Variants in NELL1 observed in about 807,000 individuals in gnomAD.
NELL1 encodes protein kinase C-binding protein NELL1.
In NELL1, 76 loss-of-function variants were observed where a neutral mutation model predicts 107.4. The observed-to-expected ratio is 0.71, with a 90% CI of 0.59 to 0.86. NELL1 has a LOEUF of 0.86. NELL1 is among the 40% of genes least tolerant of loss of function. NELL1 has a pLI of 0.00. For synonymous variants in NELL1, 353 were observed against 341.2 expected (o/e 1.03, Z -0.38); for missense variants, 1,024 against 1,005.5 (o/e 1.02, Z -0.25).
At chr11:20,765,646 G>A (rs1856513907) in intron 2 of NELL1, among the ~76,000 whole-genome samples, 1 of 152,142 alleles carries the variant, frequency 6.6e-6, no homozygotes, top group Non-Finnish European at 1.5e-5. Context: ...AGGCAGGAAG[G>A]AGCTTGTGTA....
intron 16 of NELL1, among the ~76,000 whole-genome samples, chr11:21,535,340 A>G (rs1314564484): frequency 1.3e-5 from 2 of 152,204 alleles, no homozygotes; most frequent in African/African-American, 4.8e-5. Context: ...GGGGCCAAGC[A>G]TTCTGACCTT....
Position 20,800,564 on chromosome 11 carries a change from G to A in NELL1, c.335+16734G>A, listed in dbSNP as rs562279136. 2.6e-5 allele frequency among the ~76,000 whole-genome samples: 4 copies of A among 152,228 alleles called. No individual in the cohort carries two copies. The South Asian group carries it at 6.2e-4, about 24-fold the overall frequency. On this transcript the variant is annotated intron_variant, in intron 3 of 19. Coordinates refer to ENST00000357134, the MANE Select transcript of NELL1 (RefSeq NM_006157.5). Reference sequence around the variant, plus strand: ...GATTATTTGTTTTTTGCTTGTTGATGTATTTAAGTTCCTTGTAGATTCTGG... The same window carrying A: ...GATTATTTGTTTTTTGCTTGTTGATATATTTAAGTTCCTTGTAGATTCTGG...
chr11:20,959,580 C>G (rs1383690226), intron 11 of NELL1, among the ~76,000 whole-genome samples: 1 of 151,420 alleles, frequency 6.6e-6, no homozygotes, highest in East Asian at 1.9e-4. Flanking sequence ...GAAAACCAAC[C>G]CTCATATGTT....
chr11:20,789,516 C>T (rs191203647), intron 3 of NELL1, among the ~76,000 whole-genome samples: 6 of 152,290 alleles, frequency 3.9e-5, no homozygotes, highest in Admixed American at 2.0e-4. Flanking sequence ...GTCTGTGCTC[C>T]CCAAAGGGCT....
At chr11:21,083,000 CTA>C (rs1464400612) in intron 12 of NELL1, among the ~76,000 whole-genome samples, 1 of 152,166 alleles carries the variant, frequency 6.6e-6, no homozygotes, top group Admixed American at 6.5e-5. Context: ...AGTGGATAGA[CTA>C]TGTTGGTCAG....
At chr11:20,694,134 A>T (rs1034617970) in intron 2 of NELL1, among the ~76,000 whole-genome samples, 1 of 152,072 alleles carries the variant, frequency 6.6e-6, no homozygotes, top group Non-Finnish European at 1.5e-5. Context: ...TTTCAGCTCC[A>T]TCAGCTCCTT....
chr11:21,421,919 G>A (rs1852683344), intron 15 of NELL1, among the ~76,000 whole-genome samples: 1 of 152,146 alleles, frequency 6.6e-6, no homozygotes, highest in African/African-American at 2.4e-5. Flanking sequence ...CATCACATGT[G>A]AGGAATCCTC....
chr11:21,054,181 TTC>T (rs763566956), intron 12 of NELL1, among the ~76,000 whole-genome samples: 37 of 151,774 alleles, frequency 2.4e-4, no homozygotes, highest in Non-Finnish European at 4.1e-4. Context: ...CTCTCTTTTT[TTC>T]TCTCTCTCTT....
chr11:20,885,680 C>T, intron 5 of NELL1, 140 bp downstream of exon 5: 1 of 608,126 alleles, frequency 1.6e-6, no homozygotes, highest in Admixed American at 2.7e-5. Context: ...TGAACACTTA[C>T]TTTGTGACAC....
At chr11:21,123,274 T>C (rs1516765) in intron 13 of NELL1, among the ~76,000 whole-genome samples, 88,799 of 151,720 alleles carry the variant, frequency 0.59, 26,533 homozygotes, top group African/African-American at 0.68. Flanking sequence ...TTGTAGTACT[T>C]GGATAACTTA....
At chr11:21,520,741 C>G (rs117401206) in intron 15 of NELL1, among the ~76,000 whole-genome samples, 1,563 of 152,234 alleles carry the variant, frequency 0.01, 35 homozygotes, top group East Asian at 0.072. Flanking sequence ...AAGTGCTCAG[C>G]CCCGGCCCCT....
intron 12 of NELL1, among the ~76,000 whole-genome samples, chr11:20,993,344 C>A (rs892972545): frequency 1.3e-5 from 2 of 152,136 alleles, no homozygotes; most frequent in Non-Finnish European, 2.9e-5. Flanking sequence ...ATCACTGGTG[C>A]TCAATACTTG....
At chr11:20,798,453 A>G (rs1277415965) in intron 3 of NELL1, among the ~76,000 whole-genome samples, 7 of 152,222 alleles carry the variant, frequency 4.6e-5, no homozygotes, top group Admixed American at 4.6e-4. Flanking sequence ...TCACAATTTC[A>G]TTAATATTTT....
At chr11:21,225,448 T>C (rs1857869970) in intron 13 of NELL1, among the ~76,000 whole-genome samples, 2 of 152,236 alleles carry the variant, frequency 1.3e-5, no homozygotes, top group Admixed American at 1.3e-4. Flanking sequence ...GGAGTTCCTC[T>C]TGGCTTGAAA....
intron 4 of NELL1, among the ~76,000 whole-genome samples, chr11:20,876,386 T>C (rs368604812): frequency 7.2e-5 from 11 of 152,344 alleles, no homozygotes; most frequent in African/African-American, 2.6e-4. Flanking sequence ...GCCATTCCTT[T>C]CATGTCCTGG....
intron 12 of NELL1, among the ~76,000 whole-genome samples, chr11:20,999,412 C>G (rs2134270249): frequency 6.6e-6 from 1 of 152,276 alleles, no homozygotes; most frequent in Non-Finnish European, 1.5e-5. Flanking sequence ...TGGTGTATGA[C>G]ATTTTAAATG....
chr11:20,988,396 T>C lies in NELL1; in HGVS notation c.1300+27836T>C, dbSNP rs1008024348. ...ACGTACATATATATGTGTATATATA[T>C]ACATATCTATATATACACATGTACA... On this transcript the variant is annotated intron_variant, in intron 12 of 19. Coordinates refer to ENST00000357134, the MANE Select transcript of NELL1 (RefSeq NM_006157.5). 7.9e-5 allele frequency among the ~76,000 whole-genome samples: 12 copies of C among 151,112 alleles called. No individual in the cohort carries two copies. In the South Asian group the frequency reaches 1.7e-3, roughly 21 times the overall value.
At chr11:20,806,222 G>A (rs1294458108) in intron 3 of NELL1, among the ~76,000 whole-genome samples, 2 of 150,322 alleles carry the variant, frequency 1.3e-5, no homozygotes, top group East Asian at 2.0e-4. Flanking sequence ...ATCTGGGAAA[G>A]CCATTATTTC....
intron 2 of NELL1, among the ~76,000 whole-genome samples, chr11:20,739,693 T>A (rs1046211949): frequency 6.6e-6 from 1 of 152,162 alleles, no homozygotes; most frequent in Non-Finnish European, 1.5e-5. Context: ...GTCATGTTAA[T>A]GGACATGTTC....
Sources: gnomAD v4.1 joint callset for allele counts (sites outside exome capture counted in the v4.1 genomes callset) on GRCh38, gnomAD v4.1.1 for gene constraint, MANE v1.5 for transcripts, NCBI Gene and HGNC (gene_info 2026-07-23, HGNC 2026-07-21) for gene names.